Variants in MYO6 observed in about 807,000 individuals in gnomAD.
The protein encoded by MYO6 is myosin VI.
MYO6 carries 74 observed loss-of-function variants against 178.7 expected under a neutral mutation model. The observed-to-expected ratio is 0.41, with a 90% CI of 0.34 to 0.50. The LOEUF is 0.50. MYO6 is among the 20% of genes least tolerant of loss of function. The probability of loss-of-function intolerance (pLI) is 0.09; values close to 1 mark genes in which losing one functional copy is unlikely to be tolerated. For synonymous variants in MYO6, 477 were observed against 504.6 expected (o/e 0.95, Z 0.73); for missense variants, 1,330 against 1,547.4 (o/e 0.86, Z 2.36).
intron 1 of MYO6, among the ~76,000 whole-genome samples, chr6:75,775,829 T>A (rs1252816698): frequency 6.6e-6 from 1 of 152,232 alleles, no homozygotes; most frequent in African/African-American, 2.4e-5. Flanking sequence ...AGTGGCTTTT[T>A]AATGGAGTTG....
intron 1 of MYO6, among the ~76,000 whole-genome samples, chr6:75,775,279 A>G (rs1016563064): frequency 2.0e-5 from 3 of 152,170 alleles, no homozygotes; most frequent in Non-Finnish European, 4.4e-5. Flanking sequence ...AGTCTTCATA[A>G]TAGCCGAGCT....
At chr6:75,770,416 A>G (rs748971019) in intron 1 of MYO6, among the ~76,000 whole-genome samples, 10 of 152,182 alleles carry the variant, frequency 6.6e-5, no homozygotes, top group Non-Finnish European at 1.3e-4. Context: ...CATGTTGTTT[A>G]TTATATATAG....
intron 5 of MYO6, 88 bp downstream of exon 5, chr6:75,830,633 C>A (rs1222381409): frequency 7.9e-7 from 1 of 1,258,368 alleles, no homozygotes; most frequent in Non-Finnish European, 1.1e-6. Flanking sequence ...ATAAAAGATA[C>A]CATAAATTGA....
intron 10 of MYO6, among the ~76,000 whole-genome samples, chr6:75,845,983 T>C (rs537905180): frequency 1.4e-5 from 2 of 145,112 alleles, no homozygotes; most frequent in African/African-American, 2.5e-5. Flanking sequence ...CGAGACTCTG[T>C]CTCAAAAAAA....
intron 1 of MYO6, among the ~76,000 whole-genome samples, chr6:75,775,841 C>T (rs1484464338): frequency 2.6e-5 from 4 of 152,124 alleles, no homozygotes; most frequent in Non-Finnish European, 1.5e-5. Flanking sequence ...ATGGAGTTGA[C>T]CAATCTGTTC....
chr6:75,844,861 A>G, intron 9 of MYO6, 36 bp from the exon 10 acceptor site: 1 of 1,499,806 alleles, frequency 6.7e-7, no homozygotes, highest in African/African-American at 1.4e-5. Context: ...CCTGTGGATC[A>G]TATATGTTAA....
chr6:75,870,511 G>C (rs1777061604), intron 18 of MYO6, 136 bp from the exon 19 acceptor site: 1 of 710,652 alleles, frequency 1.4e-6, no homozygotes, highest in African/African-American at 1.8e-5. Flanking sequence ...GTACCAGGAG[G>C]TTGTTAAACT....
At chr6:75,840,913 A>G (rs1774153648) in intron 8 of MYO6, among the ~76,000 whole-genome samples, 1 of 152,222 alleles carries the variant, frequency 6.6e-6, no homozygotes, top group Admixed American at 6.5e-5. Flanking sequence ...ATAGCTAGTC[A>G]TGTAAGATAT....
At chr6:75,888,323 A>C (rs1778628090) in intron 25 of MYO6, among the ~76,000 whole-genome samples, 1 of 151,754 alleles carries the variant, frequency 6.6e-6, no homozygotes, top group Non-Finnish European at 1.5e-5. Flanking sequence ...AATACTATAA[A>C]AAATTTGGAG....
chr6:75,794,753 AAAAAAAATAAAAT>A (rs1392658739), intron 1 of MYO6, among the ~76,000 whole-genome samples: 2 of 147,990 alleles, frequency 1.4e-5, no homozygotes, highest in African/African-American at 5.3e-5. Flanking sequence ...AAAAAATAAA[AAAAAAAATAAAAT>A]GTGCTCTTTT....
At chr6:75,862,839 C>T in intron 16 of MYO6, 116 bp downstream of exon 16, 1 of 1,183,322 alleles carries the variant, frequency 8.5e-7, no homozygotes. Flanking sequence ...GTGTATAGAG[C>T]AACTATATTA....
rs536955965 is a variant in MYO6, at chr6:75,860,606, T to C, written c.1474-417T>C. Among the ~76,000 whole-genome samples, 6 of 152,350 alleles carry C rather than the reference T, an allele frequency of 3.9e-5. No homozygotes were observed. In the East Asian group the frequency reaches 7.7e-4, roughly 20 times the overall value. On this transcript the variant is annotated intron_variant, in intron 14 of 34. Coordinates refer to ENST00000369977, the MANE Select transcript of MYO6 (RefSeq NM_004999.4). The stretch of plus-strand genomic sequence containing the variant: ...TTCTAGTATCTCATGGGAGGAAATA[T>C]TTAAACACTCAGGAAACAATGTTAA...
intron 1 of MYO6, among the ~76,000 whole-genome samples, chr6:75,762,281 G>A (rs947974929): frequency 2.6e-5 from 4 of 152,166 alleles, no homozygotes; most frequent in Non-Finnish European, 5.9e-5. Flanking sequence ...CCGTCACTTT[G>A]AGTGTTTTGC....
At position 75,862,763 on chromosome 6, in the gene MYO6, G is replaced by A. The variant is rs202233043; in HGVS notation, c.1674+40G>A. The stretch of plus-strand genomic sequence containing the variant: ...TCTGAAATTGAGACTATGGTGGGAC[G>A]AGACATTATTAAAAAGGTGCATTAG... On this transcript the variant is annotated intron_variant, in intron 16 of 34. Transcript: ENST00000369977. 149 of 1,606,792 alleles carry A rather than the reference G, an allele frequency of 9.3e-5. No individual in the cohort carries two copies. The Admixed American group carries it at 1.3e-3, about 14-fold the overall frequency.
intron 30 of MYO6, 46 bp downstream of exon 30, chr6:75,898,457 A>T (rs1459331644): frequency 6.8e-7 from 1 of 1,469,292 alleles, no homozygotes; most frequent in African/African-American, 1.4e-5. Flanking sequence ...CCTCAAAATC[A>T]TATTTTTAAA....
In MYO6 at chr6:75,917,656, A is replaced by G. The variant is rs1397177359; in HGVS notation, c.*2644A>G. ...TTATGCTCATTCTGCTTCTGTAATG[A>G]CTTTTCATAGGTCATTCTTGTGAAC... On this transcript the variant is annotated 3_prime_UTR_variant, in exon 35 of 35. Transcript: ENST00000369977. 1 of 152,390 alleles carries G rather than the reference A, an allele frequency of 6.6e-6. No individual in the cohort carries two copies. The highest frequency in any genetic ancestry group is 1.5e-5 in the Non-Finnish European group (1 of 68,044). The allele number at this position is 152,390 out of a possible 1,614,324, so 9.4% of individuals were successfully genotyped here.
intron 1 of MYO6, among the ~76,000 whole-genome samples, chr6:75,775,214 T>C (rs1766262944): frequency 6.6e-6 from 1 of 152,230 alleles, no homozygotes; most frequent in African/African-American, 2.4e-5. Flanking sequence ...CCATTAAGTA[T>C]AATCCTCCCG....
At position 75,874,380 on chromosome 6, in the gene MYO6, C is replaced by T. The variant is rs184038016; in HGVS notation, c.2077+1080C>T. On this transcript the variant is annotated intron_variant, in intron 20 of 34. Coordinates refer to ENST00000369977, the MANE Select transcript of MYO6 (RefSeq NM_004999.4). ...TTAAAGGGCTCTCAAACCTGTCCTG[C>T]CAAGTTTTCCTGGTCAGCATGTTCT... Among the ~76,000 whole-genome samples, 90 of 152,330 alleles carry T rather than the reference C, an allele frequency of 5.9e-4. No homozygotes were observed. The East Asian group carries it at 0.013, about 23-fold the overall frequency.
At chr6:75,773,427 C>G (rs914751948) in intron 1 of MYO6, among the ~76,000 whole-genome samples, 1 of 152,172 alleles carries the variant, frequency 6.6e-6, no homozygotes, top group Admixed American at 6.5e-5. Flanking sequence ...AGACATGTTT[C>G]AAATGCAGAA....
Sources: gnomAD v4.1 joint callset for allele counts (sites outside exome capture counted in the v4.1 genomes callset) on GRCh38, gnomAD v4.1.1 for gene constraint, MANE v1.5 for transcripts, NCBI Gene and HGNC (gene_info 2026-07-23, HGNC 2026-07-21) for gene names.